Variants in PPM1D observed in about 807,000 individuals in gnomAD.
PPM1D encodes the protein protein phosphatase 1D.
Under a neutral mutation model 58.3 loss-of-function variants are expected in PPM1D, and 52 were observed. The ratio of observed to expected loss-of-function variants is 0.89; its 90% CI spans 0.71 to 1.12. The LOEUF is 1.12. Among genes scored for constraint, PPM1D ranks in the 50% most tolerant of loss-of-function variants. The pLI is 0.00. For missense variants in PPM1D, 564 were observed against 777.2 expected (o/e 0.73, Z 3.26); for synonymous variants, 278 against 285.1 (o/e 0.98, Z 0.25).
chr17:60,642,456 T>C (rs559945349), intron 3 of PPM1D, among the ~76,000 whole-genome samples: 2 of 147,118 alleles, frequency 1.4e-5, no homozygotes, highest in Non-Finnish European at 3.0e-5. Flanking sequence ...TCAGAGAGAC[T>C]CCAAAGAAAA....
At chr17:60,652,721 A>G (rs1453287502) in intron 4 of PPM1D, among the ~76,000 whole-genome samples, 2 of 151,902 alleles carry the variant, frequency 1.3e-5, no homozygotes, top group Non-Finnish European at 2.9e-5. Context: ...GTGAGATGAT[A>G]CCTCATTGTG....
intron 1 of PPM1D, among the ~76,000 whole-genome samples, chr17:60,608,088 C>T (rs1358292945): frequency 1.3e-5 from 2 of 152,090 alleles, no homozygotes; most frequent in Non-Finnish European, 2.9e-5. Flanking sequence ...AGGATCTTCA[C>T]CTTCTCATAA....
chr17:60,656,996 T>A, intron 5 of PPM1D, 155 bp downstream of exon 5: 2 of 1,551,706 alleles, frequency 1.3e-6, no homozygotes, highest in Non-Finnish European at 8.7e-7. Context: ...CATCTTTACA[T>A]CAATACTAAT....
intron 1 of PPM1D, chr17:60,604,830 G>GT (rs2030295139): frequency 1.3e-5 from 2 of 152,084 alleles, no homozygotes; most frequent in Admixed American, 6.5e-5. Flanking sequence ...TTTAGTTTTT[G>GT]TTTTTTGAGA....
chr17:60,625,433 A>G (rs1373837984), intron 2 of PPM1D, among the ~76,000 whole-genome samples: 1 of 152,342 alleles, frequency 6.6e-6, no homozygotes, highest in Admixed American at 6.5e-5. Context: ...TGTTTAGGGA[A>G]TCTAAAGAAG....
chr17:60,603,940 A>G (rs1312052861), intron 1 of PPM1D, among the ~76,000 whole-genome samples: 2 of 152,222 alleles, frequency 1.3e-5, no homozygotes, highest in South Asian at 2.1e-4. Flanking sequence ...AATGGTAGCT[A>G]TTTTCCCCCC....
At chr17:60,645,062 T>C (rs1427978631) in intron 3 of PPM1D, among the ~76,000 whole-genome samples, 1 of 152,004 alleles carries the variant, frequency 6.6e-6, no homozygotes, top group Non-Finnish European at 1.5e-5. Context: ...GAGAAAGAAA[T>C]AGAGATTGAG....
In PPM1D at chr17:60,633,867, C is replaced by A; in HGVS notation, c.716C>A (p.Ser239Tyr). The part of the protein sequence containing the change: ...EGLGGSVMNK[S>Y]GVNRVVWKRP... ...TTTATTTTTAGTGTAATGAACAAGTCTGGGGTGAATCGTGTAGTTTGGAAA... is the reference window on the plus strand; with the variant it reads ...TTTATTTTTAGTGTAATGAACAAGTATGGGGTGAATCGTGTAGTTTGGAAA... Residue 239 changes from serine (S) to tyrosine (Y), a missense_variant, in exon 3 of 6, where the codon TCT (serine) becomes TAT (tyrosine). Around this residue, in one of 7 missense-constraint regions of PPM1D, gnomAD observed 95 missense variants for 232.6 expected, o/e 0.41. Transcript: ENST00000305921. 1 of 1,612,782 alleles carries A rather than the reference C, an allele frequency of 6.2e-7. No individual in the cohort carries two copies. The highest frequency in any genetic ancestry group is 1.1e-5 in the South Asian group (1 of 91,000).
chr17:60,633,471 G>A (rs1385838564), intron 2 of PPM1D, among the ~76,000 whole-genome samples: 4 of 152,104 alleles, frequency 2.6e-5, no homozygotes, highest in African/African-American at 9.7e-5. Flanking sequence ...ACAGTGGTGT[G>A]ATTCTCGGCT....
At chr17:60,616,179 T>A (rs190509349) in intron 1 of PPM1D, among the ~76,000 whole-genome samples, 68 of 151,534 alleles carry the variant, frequency 4.5e-4, no homozygotes, top group African/African-American at 1.3e-3. Context: ...TCCCAGCTAC[T>A]CTGGAAGCTG....
At chr17:60,603,757 C>G (rs2030271423) in intron 1 of PPM1D, among the ~76,000 whole-genome samples, 1 of 23,790 alleles carries the variant, frequency 4.2e-5, no homozygotes, top group African/African-American at 1.9e-4. Flanking sequence ...GAGTGAGACT[C>G]CGTCTCAAAA....
chr17:60,639,733 C>T (rs975084269), intron 3 of PPM1D, among the ~76,000 whole-genome samples: 2 of 152,186 alleles, frequency 1.3e-5, no homozygotes, highest in Non-Finnish European at 2.9e-5. Flanking sequence ...CCACCACACC[C>T]AGCCAATTCT....
intron 3 of PPM1D, among the ~76,000 whole-genome samples, chr17:60,643,428 C>T (rs867285945): frequency 6.6e-6 from 1 of 151,966 alleles, no homozygotes; most frequent in Non-Finnish European, 1.5e-5. Context: ...CAAAAAGAAC[C>T]AAAATAAAGT....
At chr17:60,638,228 T>TA (rs969690555) in intron 3 of PPM1D, among the ~76,000 whole-genome samples, 3 of 152,228 alleles carry the variant, frequency 2.0e-5, no homozygotes, top group Admixed American at 6.5e-5. Flanking sequence ...GTTTTAGTGA[T>TA]AAAAAAGCTT....
At chr17:60,604,239 G>A (rs1202559965) in intron 1 of PPM1D, among the ~76,000 whole-genome samples, 2 of 152,088 alleles carry the variant, frequency 1.3e-5, no homozygotes, top group African/African-American at 4.8e-5. Context: ...TTAAATATTG[G>A]GAAGCTATCT....
chr17:60,663,118 C>A lies in PPM1D; in HGVS notation c.1384C>A (p.Gln462Lys), dbSNP rs2031554958. The A allele has an allele frequency of 6.2e-7, 1 of 1,614,110 alleles. No individual in the cohort carries two copies. The highest frequency in any genetic ancestry group is 8.5e-7 in the Non-Finnish European group (1 of 1,180,004). Residue 462 changes from glutamine (Q) to lysine (K), a missense_variant, in exon 6 of 6, where the codon CAA (glutamine) becomes AAA (lysine). Physicochemically the swap from Gln to Lys is moderately conservative, Grantham distance 53 (BLOSUM62 1). This residue lies in a region of PPM1D where 261 missense variants were observed against 270.1 expected (regional missense o/e 0.97). Transcript: ENST00000305921. Reference sequence around the variant, plus strand: ...AGCTGAGATAGCTCGAGAGAATGTCCAAGGTGTAGTCATACCCTCAAAAGA... The same window carrying A: ...AGCTGAGATAGCTCGAGAGAATGTCAAAGGTGTAGTCATACCCTCAAAAGA... ...VSAEIARENV[Q>K]GVVIPSKDPE...
At chr17:60,623,041 C>A (rs1054779282) in intron 1 of PPM1D, among the ~76,000 whole-genome samples, 1 of 152,102 alleles carries the variant, frequency 6.6e-6, no homozygotes, top group African/African-American at 2.4e-5. Context: ...AGGTTGCACT[C>A]CAGCCTGGGT....
rs2143605778 is a variant in PPM1D, at chr17:60,600,235, C to T, written c.-180C>T. ...GCCTGGCTCTGCTCGCTCCGGCGCT[C>T]CGGCCCAGCTCTCGCGGACAAGTCC... On this transcript the variant is annotated 5_prime_UTR_variant, in exon 1 of 6. Transcript: ENST00000305921. 2 of 1,275,904 alleles carry T rather than the reference C, an allele frequency of 1.6e-6. No individual in the cohort carries two copies. Among genetic ancestry groups the T allele is most frequent in the South Asian group, 1.6e-5 (1 of 64,058 alleles). 79.0% of individuals were successfully genotyped at this position (1,275,904 alleles called of 1,614,324 possible).
intron 3 of PPM1D, among the ~76,000 whole-genome samples, chr17:60,634,668 T>C (rs1016852914): frequency 6.6e-6 from 1 of 152,222 alleles, no homozygotes; most frequent in Non-Finnish European, 1.5e-5. Context: ...ATTTCTGGTC[T>C]ACCTGGCTTT....
Sources: gnomAD v4.1 joint callset for allele counts (sites outside exome capture counted in the v4.1 genomes callset) on GRCh38, gnomAD v4.1.1 for gene constraint, gnomAD v4.1.1 regional missense constraint, MANE v1.5 for transcripts, NCBI Gene and HGNC (gene_info 2026-07-23, HGNC 2026-07-21) for gene names.